ERICH3: variants seen among roughly 807,000 people sequenced by gnomAD.
ERICH3 encodes glutamate rich 3.
ERICH3 carries 126 observed loss-of-function variants against 131.1 expected under a neutral mutation model. That is an observed-to-expected ratio of 0.96 (90% confidence interval 0.83 to 1.11). ERICH3 has a LOEUF of 1.11. ERICH3 is among the 50% of genes most tolerant of loss of function. The pLI is 0.00. For synonymous variants in ERICH3, 695 were observed against 644.6 expected (o/e 1.08, Z -1.18); for missense variants, 2,050 against 1,810.7 (o/e 1.13, Z -2.40).
chr1:74,664,803 T>C (rs1437822736), intron 1 of ERICH3, among the ~76,000 whole-genome samples: 1 of 152,156 alleles, frequency 6.6e-6, no homozygotes, highest in African/African-American at 2.4e-5. Flanking sequence ...CACTGAGAGG[T>C]AGGAAGTAAT....
intron 1 of ERICH3, among the ~76,000 whole-genome samples, chr1:74,663,013 A>G (rs1261922461): frequency 1.3e-5 from 2 of 152,092 alleles, no homozygotes; most frequent in African/African-American, 2.4e-5. Context: ...TTCCAGATAT[A>G]TCATTGTATG....
intron 1 of ERICH3, among the ~76,000 whole-genome samples, chr1:74,659,352 G>A (rs919620046): frequency 2.0e-5 from 3 of 152,050 alleles, no homozygotes; most frequent in Non-Finnish European, 4.4e-5. Context: ...GTGTGTGCCT[G>A]TGCACACACA....
chr1:74,636,361 T>G lies in ERICH3; in HGVS notation c.522A>C (p.Ala174=). 2 of 1,613,390 alleles carry G rather than the reference T, an allele frequency of 1.2e-6. No homozygotes were observed. Among genetic ancestry groups the G allele is most frequent in the Middle Eastern group, 1.7e-4 (1 of 6,058 alleles). ...IRLQPLPSNP[A]VETVPKVTSR... is the part of the protein sequence containing the mutation. The stretch of plus-strand genomic sequence containing the variant: ...AAGTTACCTTTGGAACAGTTTCTAC[T>G]GCAGGATTACTGGGAAGAGGCTGTA... The change falls in exon 6 of 15, where the codon GCA becomes GCC. Residue 174 remains alanine (A), a synonymous_variant. Coordinates refer to ENST00000326665, the MANE Select transcript of ERICH3 (RefSeq NM_001002912.5).
chr1:74,634,190 A>G (rs1646366421), intron 6 of ERICH3, among the ~76,000 whole-genome samples: 1 of 152,050 alleles, frequency 6.6e-6, no homozygotes, highest in African/African-American at 2.4e-5. Flanking sequence ...TTCATCATCA[A>G]TGCCATTGAA....
At chr1:74,642,324 T>G (rs1165566221) in intron 4 of ERICH3, among the ~76,000 whole-genome samples, 1 of 152,150 alleles carries the variant, frequency 6.6e-6, no homozygotes, top group Non-Finnish European at 1.5e-5. Flanking sequence ...TTCATCAGTT[T>G]GTGAAACGTA....
chr1:74,673,289 A>G (rs1646758634), intron 1 of ERICH3, among the ~76,000 whole-genome samples: 1 of 152,100 alleles, frequency 6.6e-6, no homozygotes. Flanking sequence ...ACGTGGGTGA[A>G]AGAAACGAAG....
intron 7 of ERICH3, among the ~76,000 whole-genome samples, chr1:74,629,891 T>A (rs1322091584): frequency 6.6e-6 from 1 of 152,072 alleles, no homozygotes; most frequent in Non-Finnish European, 1.5e-5. Flanking sequence ...CACAGGGAAG[T>A]CAGCATGGTG....
intron 11 of ERICH3, chr1:74,592,186 T>C (rs1208871414): frequency 6.6e-6 from 1 of 152,202 alleles, no homozygotes; most frequent in Non-Finnish European, 1.5e-5. Context: ...TGCTTTTATC[T>C]CCTGATACCT....
intron 13 of ERICH3, among the ~76,000 whole-genome samples, chr1:74,576,592 A>T (rs1332896133): frequency 7.2e-5 from 11 of 152,148 alleles, no homozygotes; most frequent in Admixed American, 3.3e-4. Context: ...TTCTGCCATG[A>T]TCCATAAAAC....
At chr1:74,666,688 T>C (rs1646695860) in intron 1 of ERICH3, among the ~76,000 whole-genome samples, 1 of 152,182 alleles carries the variant, frequency 6.6e-6, no homozygotes, top group Admixed American at 6.5e-5. Context: ...AAATGACTTC[T>C]GCTGTGCTGG....
intron 10 of ERICH3, among the ~76,000 whole-genome samples, chr1:74,605,535 TC>T (rs938538107): frequency 9.2e-5 from 14 of 151,730 alleles, no homozygotes; most frequent in African/African-American, 3.4e-4. Flanking sequence ...AACATGAGAC[TC>T]TTCCTTTCAC....
rs2100508442 is a variant in ERICH3, at chr1:74,572,597, G to T, written c.3113C>A (p.Ala1038Glu). 1.2e-6 allele frequency: 2 copies of T among 1,613,726 alleles called. No homozygotes were observed. The highest frequency in any genetic ancestry group is 1.6e-4 in the Middle Eastern group (1 of 6,062). The change falls in exon 14 of 15, where the codon GCA (alanine) becomes GAA (glutamate). Residue 1038 changes from alanine (A) to glutamate (E), a missense_variant. Physicochemically the swap from Ala to Glu is moderately radical, Grantham distance 107 (BLOSUM62 -1). Coordinates refer to ENST00000326665, the MANE Select transcript of ERICH3 (RefSeq NM_001002912.5). ...CCTATCATCTTCCCTATTAGCTTCT[G>T]CCTCAGTCACCATCTCTTCCCCTTC... ...DVEGEEMVTEAEANREDDRKE... is the reference protein window; with the variant it reads ...DVEGEEMVTEEEANREDDRKE...
intron 1 of ERICH3, among the ~76,000 whole-genome samples, chr1:74,665,616 C>T (rs1646684354): frequency 1.3e-5 from 2 of 152,140 alleles, no homozygotes; most frequent in Admixed American, 1.3e-4. Flanking sequence ...GGGTTGGTTT[C>T]TTCTGAGGGC....
At chr1:74,602,507 G>T (rs1480506372) in intron 10 of ERICH3, among the ~76,000 whole-genome samples, 1 of 151,926 alleles carries the variant, frequency 6.6e-6, no homozygotes, top group Non-Finnish European at 1.5e-5. Flanking sequence ...TCAACACGGG[G>T]TCAACATCAA....
At position 74,572,576 on chromosome 1, in the gene ERICH3, T is replaced by C. The variant is rs943648817; in HGVS notation, c.3134A>G (p.Asp1045Gly). 5 of 1,613,926 alleles carry C rather than the reference T, an allele frequency of 3.1e-6. No individual in the cohort carries two copies. Among genetic ancestry groups the C allele is most frequent in the Non-Finnish European group, 4.2e-6 (5 of 1,180,014 alleles). ...TTCCTTGGGTAAAATTTCTTTCCTA[T>C]CATCTTCCCTATTAGCTTCTGCCTC... ...VTEAEANRED[D>G]RKEILPKELD... The change falls in exon 14 of 15, where the codon GAT becomes GGT. Residue 1045 changes from aspartate to glycine, a missense_variant. By Grantham distance (94) the Asp-to-Gly change is moderately conservative (BLOSUM62 -1). Coordinates refer to ENST00000326665, the MANE Select transcript of ERICH3 (RefSeq NM_001002912.5).
chr1:74,661,453 A>C (rs1056763978), intron 1 of ERICH3, among the ~76,000 whole-genome samples: 3 of 152,172 alleles, frequency 2.0e-5, no homozygotes, highest in African/African-American at 7.2e-5. Context: ...AGGGGTCATG[A>C]ATTGGTAGGT....
chr1:74,626,497 C>G (rs1649420480), intron 7 of ERICH3, among the ~76,000 whole-genome samples: 1 of 152,126 alleles, frequency 6.6e-6, no homozygotes, highest in South Asian at 2.1e-4. Context: ...AAAATAAAAG[C>G]AAACTTTGTT....
intron 7 of ERICH3, among the ~76,000 whole-genome samples, chr1:74,630,415 T>A (rs1649554442): frequency 6.6e-6 from 1 of 152,188 alleles, no homozygotes; most frequent in Admixed American, 6.6e-5. Context: ...CATGTGCCAC[T>A]CCTGAGTGGA....
chr1:74,651,288 A>T (rs1215779134), intron 1 of ERICH3, among the ~76,000 whole-genome samples: 1 of 152,128 alleles, frequency 6.6e-6, no homozygotes. Flanking sequence ...TTTCATCCTC[A>T]AAAGAGACTG....
Sources: allele counts gnomAD v4.1 joint callset (sites outside exome capture counted in the v4.1 genomes callset), GRCh38; gene constraint gnomAD v4.1.1; transcripts MANE v1.5; gene names NCBI Gene and HGNC (gene_info 2026-07-23, HGNC 2026-07-21).